Variants in TSPAN7 observed in about 807,000 individuals in gnomAD.
TSPAN7 encodes tetraspanin-7.
A neutral mutation model predicts 17.6 loss-of-function variants in TSPAN7; 1 was observed. The observed-to-expected ratio is 0.06, with a 90% confidence interval of 0.02 to 0.27. TSPAN7 has a LOEUF of 0.27. TSPAN7 is among the 10% of genes least tolerant of loss of function. TSPAN7 has a pLI of 1.00. For missense variants in TSPAN7, 112 were observed against 201.7 expected (o/e 0.56, Z 2.69); for synonymous variants, 78 against 79.0 (o/e 0.99, Z 0.07).
At chrX:38,653,479 A>G (rs1278473008) in intron 1 of TSPAN7, among the ~76,000 whole-genome samples, 13 of 111,663 alleles carry the variant, frequency 1.2e-4, no homozygotes, top group Non-Finnish European at 7.5e-5. Flanking sequence ...AGAGTACTTA[A>G]GTTTCTTAAG....
intron 1 of TSPAN7, among the ~76,000 whole-genome samples, chrX:38,575,778 TA>T (rs1286873913): frequency 2.5e-4 from 28 of 112,246 alleles, no homozygotes; most frequent in African/African-American, 8.4e-4. Flanking sequence ...AAAGGTACAA[TA>T]AAGTCAAACA....
chrX:38,616,464 C>T (rs1032138616), intron 1 of TSPAN7, among the ~76,000 whole-genome samples: 1 of 111,909 alleles, frequency 8.9e-6, no homozygotes, highest in African/African-American at 3.3e-5. Context: ...TCATCTATGG[C>T]AGGGGTGTCC....
At chrX:38,633,417 A>T (rs1234088379) in intron 1 of TSPAN7, among the ~76,000 whole-genome samples, 2 of 112,104 alleles carry the variant, frequency 1.8e-5, no homozygotes, top group Non-Finnish European at 3.8e-5. Context: ...ATACTCTTAT[A>T]TACATGATGA....
chrX:38,611,193 G>A (rs1025639503), intron 1 of TSPAN7, among the ~76,000 whole-genome samples: 1 of 112,485 alleles, frequency 8.9e-6, no homozygotes, highest in Non-Finnish European at 1.9e-5. Flanking sequence ...GAGCAGCTTA[G>A]TGAAATCGAA....
intron 1 of TSPAN7, among the ~76,000 whole-genome samples, chrX:38,649,282 AG>A (rs964353739): frequency 2.7e-5 from 3 of 111,396 alleles, no homozygotes; most frequent in Non-Finnish European, 3.8e-5. Context: ...ACAAGTCAGA[AG>A]GGGGGTGGTG....
At chrX:38,564,674 G>A (rs910095052) in intron 1 of TSPAN7, among the ~76,000 whole-genome samples, 1 of 112,262 alleles carries the variant, frequency 8.9e-6, no homozygotes, top group Admixed American at 9.4e-5. Context: ...GCCTTAGTAG[G>A]TGTGAAGGTG....
chrX:38,658,998 CCATACACA>C (rs2069722456), intron 1 of TSPAN7, among the ~76,000 whole-genome samples: 1 of 49,613 alleles, frequency 2.0e-5, no homozygotes, highest in Non-Finnish European at 3.6e-5. Context: ...GTATTATCTT[CCATACACA>C]CACACACACA....
At position 38,563,013 on chromosome X, in the gene TSPAN7, A is replaced by AGAT. The variant is rs759743864; in HGVS notation, c.81+1388_81+1390dup. 39 of 969,349 alleles carry AGAT rather than the reference A, an allele frequency of 4.0e-5. No homozygotes were observed. The African/African-American group carries it at 7.0e-4, about 17-fold the overall frequency. 79.9% of individuals were successfully genotyped at this position (969,349 alleles called of 1,213,427 possible). A position where few individuals can be genotyped will look rare whatever the true frequency, so the allele number is the denominator to read the frequency against. On this transcript the variant is annotated intron_variant, in intron 1 of 7. Coordinates refer to ENST00000378482, the MANE Select transcript of TSPAN7 (RefSeq NM_004615.4). ...CTGTATGAGGTACCGAGAATCAGCT[A>AGAT]GATGGCAAACCGGACTGTTTGCAAT...
At chrX:38,617,089 G>A (rs1042030858) in intron 1 of TSPAN7, among the ~76,000 whole-genome samples, 3 of 111,830 alleles carry the variant, frequency 2.7e-5, no homozygotes, top group African/African-American at 9.8e-5. Flanking sequence ...CACAGTGTCC[G>A]TGGCTGTGTT....
intron 5 of TSPAN7, among the ~76,000 whole-genome samples, chrX:38,680,539 T>TTCTTTC (rs1315085092): frequency 1.3e-3 from 102 of 75,606 alleles, no homozygotes; most frequent in African/African-American, 4.3e-3. Context: ...TACTTACAAA[T>TTCTTTC]TCTCTCTCTC....
Position 38,674,211 on chromosome X carries a change from T to C in TSPAN7, c.346-10T>C. On this transcript the variant is annotated splice_polypyrimidine_tract_variant and intron_variant, in intron 3 of 7. Coordinates refer to ENST00000378482, the MANE Select transcript of TSPAN7 (RefSeq NM_004615.4). ...TGGACTGCAATCACATCCCTCCTTG[T>C]CTTCCATAGATCAAGGACACCTTCC... 2.6e-6 allele frequency: 3 copies of C among 1,174,669 alleles called. No individual in the cohort carries two copies. Among genetic ancestry groups the C allele is most frequent in the Non-Finnish European group, 3.5e-6 (3 of 869,510 alleles).
intron 1 of TSPAN7, among the ~76,000 whole-genome samples, chrX:38,633,896 C>A (rs963203474): frequency 8.9e-6 from 1 of 112,165 alleles, no homozygotes; most frequent in Non-Finnish European, 1.9e-5. Context: ...AGATGATATT[C>A]ACTAACTTGT....
chrX:38,592,166 C>T (rs975467846), intron 1 of TSPAN7, among the ~76,000 whole-genome samples: 1 of 111,554 alleles, frequency 9.0e-6, no homozygotes, highest in Non-Finnish European at 1.9e-5. Flanking sequence ...ATCCAGTCAC[C>T]CCCTGTCAGG....
chrX:38,636,226 C>G (rs1195431543), intron 1 of TSPAN7, among the ~76,000 whole-genome samples: 5 of 111,272 alleles, frequency 4.5e-5, no homozygotes, highest in Non-Finnish European at 9.4e-5. Context: ...AATAAGTCAA[C>G]CTACTTAACA....
At chrX:38,620,234 G>A (rs746000686) in intron 1 of TSPAN7, among the ~76,000 whole-genome samples, 15 of 111,908 alleles carry the variant, frequency 1.3e-4, no homozygotes, top group South Asian at 7.5e-4. Context: ...ATGATAGGCC[G>A]TCAGGAAAAT....
At chrX:38,623,850 C>T (rs1482013192) in intron 1 of TSPAN7, among the ~76,000 whole-genome samples, 1 of 107,765 alleles carries the variant, frequency 9.3e-6, no homozygotes, top group Non-Finnish European at 1.9e-5. Flanking sequence ...CCTTAAACCC[C>T]CACTTCTTTA....
At chrX:38,621,992 T>C (rs2069491128) in intron 1 of TSPAN7, among the ~76,000 whole-genome samples, 1 of 112,502 alleles carries the variant, frequency 8.9e-6, no homozygotes, top group Non-Finnish European at 1.9e-5. Context: ...TGGCGTTTTA[T>C]GGCTAATAAT....
At position 38,585,657 on chromosome X, in the gene TSPAN7, A is replaced by G. The variant is rs148704172; in HGVS notation, c.81+24030A>G. Among the ~76,000 whole-genome samples, 46 of 112,123 alleles carry G rather than the reference A, an allele frequency of 4.1e-4. No homozygotes were observed. The East Asian group carries it at 0.012, about 29-fold the overall frequency. Reference sequence around the variant, plus strand: ...TTCCCCTCCAAGCTTCATGTTGAATATGATTCCTCATGTTGGAGGTGGGAT... The same window carrying G: ...TTCCCCTCCAAGCTTCATGTTGAATGTGATTCCTCATGTTGGAGGTGGGAT... On this transcript the variant is annotated intron_variant, in intron 1 of 7. Coordinates refer to ENST00000378482, the MANE Select transcript of TSPAN7 (RefSeq NM_004615.4).
At chrX:38,595,569 GAC>G (rs779808508) in intron 1 of TSPAN7, among the ~76,000 whole-genome samples, 1 of 111,957 alleles carries the variant, frequency 8.9e-6, no homozygotes, top group East Asian at 2.8e-4. Context: ...GTCAAATGAA[GAC>G]AGTTATTTTT....
Sources: gnomAD v4.1 joint callset for allele counts (sites outside exome capture counted in the v4.1 genomes callset) on GRCh38, gnomAD v4.1.1 for gene constraint, MANE v1.5 for transcripts, NCBI Gene and HGNC (gene_info 2026-07-23, HGNC 2026-07-21) for gene names.